The following LDLRAD4 variants were observed in gnomAD, a reference collection of about 807,000 sequenced individuals.
The protein encoded by LDLRAD4 is low density lipoprotein receptor class A domain containing 4, also known as low-density lipoprotein receptor class A domain-containing protein 4.
LDLRAD4 carries 5 observed loss-of-function variants against 17.0 expected under a neutral mutation model. The observed-to-expected ratio is 0.29, with a 90% CI of 0.15 to 0.62. The LOEUF is 0.62. Among genes scored for constraint, LDLRAD4 ranks in the 20% least tolerant of loss-of-function variants. The pLI is 0.84. For missense variants in LDLRAD4, 340 were observed against 424.7 expected, an observed-to-expected ratio of 0.80 and a Z score of 1.75; for synonymous variants, 168 against 171.8, an observed-to-expected ratio of 0.98 and a Z score of 0.17.
chr18:13,406,835 GC>G (rs1568109876), intron 2 of LDLRAD4, among the ~76,000 whole-genome samples: 1 of 152,184 alleles, frequency 6.6e-6, no homozygotes, highest in East Asian at 1.9e-4. Context: ...CTCCAGGGCT[GC>G]CTGTCCCTGA....
At chr18:13,326,770 G>A (rs562443018) in intron 1 of LDLRAD4, among the ~76,000 whole-genome samples, 4 of 151,498 alleles carry the variant, frequency 2.6e-5, no homozygotes, top group East Asian at 3.9e-4. Flanking sequence ...TGGGGGTCCC[G>A]AGCTTTTTTT....
intron 1 of LDLRAD4, among the ~76,000 whole-genome samples, chr18:13,386,376 T>G (rs888635909): frequency 4.0e-5 from 6 of 149,264 alleles, no homozygotes; most frequent in Admixed American, 4.0e-4. Flanking sequence ...TTATTCTATT[T>G]TTTTTTTTTG....
chr18:13,310,440 C>T (rs973397916), intron 1 of LDLRAD4, among the ~76,000 whole-genome samples: 2 of 151,892 alleles, frequency 1.3e-5, no homozygotes, highest in Non-Finnish European at 2.9e-5. Context: ...TGGTGATAGA[C>T]GTTGTGGTTG....
chr18:13,373,919 G>A (rs1377767493), intron 1 of LDLRAD4, among the ~76,000 whole-genome samples: 5 of 151,772 alleles, frequency 3.3e-5, no homozygotes, highest in African/African-American at 2.4e-5. Context: ...AAAATGACAC[G>A]TGTACAGTTC....
At chr18:13,290,908 C>T (rs1208638537) in intron 1 of LDLRAD4, among the ~76,000 whole-genome samples, 2 of 152,378 alleles carry the variant, frequency 1.3e-5, no homozygotes, top group South Asian at 4.1e-4. Context: ...GACCCGCAGG[C>T]CCTGCTCTGC....
intron 3 of LDLRAD4, among the ~76,000 whole-genome samples, chr18:13,606,065 A>G (rs1312171366): frequency 1.3e-5 from 2 of 152,104 alleles, no homozygotes; most frequent in Admixed American, 1.3e-4. Flanking sequence ...CATCCTCCTG[A>G]CCACCCTGTG....
intron 1 of LDLRAD4, among the ~76,000 whole-genome samples, chr18:13,304,805 G>T (rs1163679645): frequency 6.6e-6 from 1 of 152,232 alleles, no homozygotes; most frequent in African/African-American, 2.4e-5. Flanking sequence ...ACCTGGTCCT[G>T]CTGTGGGGGT....
At chr18:13,355,814 A>G (rs2083302271) in intron 1 of LDLRAD4, among the ~76,000 whole-genome samples, 1 of 152,146 alleles carries the variant, frequency 6.6e-6, no homozygotes, top group Admixed American at 6.5e-5. Flanking sequence ...AAAAAATTAT[A>G]GAGACAGAGT....
intron 3 of LDLRAD4, chr18:13,486,927 C>T (rs933445272): frequency 6.6e-6 from 1 of 152,160 alleles, no homozygotes; most frequent in Non-Finnish European, 1.5e-5. Context: ...CTGGCACGTC[C>T]GCAGACCCCT....
Position 13,495,845 on chromosome 18 carries a change from C to T in LDLRAD4, c.181+57461C>T, listed in dbSNP as rs754306875. Among the ~76,000 whole-genome samples, 10 of 152,214 alleles carry T rather than the reference C, an allele frequency of 6.6e-5. No homozygotes were observed. The East Asian group carries it at 1.7e-3, about 26-fold the overall frequency. On this transcript the variant is annotated intron_variant, in intron 3 of 5. Coordinates refer to ENST00000359446, the Ensembl canonical transcript of LDLRAD4. The stretch of plus-strand genomic sequence containing the variant: ...GGCAACGTCACCAGCACTGCCACTG[C>T]GCAGTGTTCAGAGAGCGCGAAGACC...
At chr18:13,428,240 G>A (rs1338266069) in intron 2 of LDLRAD4, among the ~76,000 whole-genome samples, 2 of 152,204 alleles carry the variant, frequency 1.3e-5, no homozygotes, top group Non-Finnish European at 2.9e-5. Flanking sequence ...AGGTGAGATG[G>A]GGAGTGGAGT....
At chr18:13,443,642 T>G (rs557165804) in intron 3 of LDLRAD4, among the ~76,000 whole-genome samples, 1 of 152,352 alleles carries the variant, frequency 6.6e-6, no homozygotes, top group Admixed American at 6.5e-5. Context: ...GAAGGATCTC[T>G]GATTCTGTAG....
chr18:13,598,550 C>T (rs927948955), intron 3 of LDLRAD4, among the ~76,000 whole-genome samples: 1 of 152,212 alleles, frequency 6.6e-6, no homozygotes, highest in African/African-American at 2.4e-5. Context: ...CAGAAAGGTT[C>T]TTCTTAACTG....
intron 3 of LDLRAD4, among the ~76,000 whole-genome samples, chr18:13,549,796 CT>C (rs1433679837): frequency 6.6e-6 from 1 of 152,146 alleles, no homozygotes; most frequent in East Asian, 1.9e-4. Flanking sequence ...ATTTGGTTGT[CT>C]TGCTTCCTTG....
At chr18:13,488,276 CAG>C (rs1355712992) in intron 3 of LDLRAD4, 1 of 152,338 alleles carries the variant, frequency 6.6e-6, no homozygotes, top group Admixed American at 6.5e-5. Flanking sequence ...CAGGGCCTGT[CAG>C]GGGAACAGAG....
At chr18:13,626,370 G>A (rs961160715) in intron 4 of LDLRAD4, among the ~76,000 whole-genome samples, 2 of 152,184 alleles carry the variant, frequency 1.3e-5, no homozygotes, top group Non-Finnish European at 2.9e-5. Context: ...TCTTGCTGGA[G>A]CTGAGGGAGC....
intron 3 of LDLRAD4, among the ~76,000 whole-genome samples, chr18:13,509,713 C>T (rs2093748104): frequency 6.6e-6 from 1 of 152,186 alleles, no homozygotes; most frequent in Admixed American, 6.5e-5. Flanking sequence ...TATCAAATAG[C>T]ATTGCATGTA....
chr18:13,354,606 C>T lies in LDLRAD4; in HGVS notation c.-382-32735C>T, dbSNP rs142349234. ...AAGGGGCCTGAGATGACTTAGACAC[C>T]ATCCTTCTTGAGGATGGGGAATGAA... is the stretch of plus-strand genomic sequence containing the variant. On this transcript the variant is annotated intron_variant, in intron 1 of 5. Coordinates refer to ENST00000359446, the Ensembl canonical transcript of LDLRAD4. 1.7e-3 allele frequency among the ~76,000 whole-genome samples: 253 copies of T among 152,244 alleles called. 2 individuals are homozygous for T. The highest frequency in any genetic ancestry group is 5.9e-3 in the African/African-American group (244 of 41,548).
intron 3 of LDLRAD4, among the ~76,000 whole-genome samples, chr18:13,514,347 A>G (rs1490191675): frequency 6.6e-6 from 1 of 152,226 alleles, no homozygotes; most frequent in Admixed American, 6.5e-5. Context: ...ATACAAATAA[A>G]TCACCTAGCA....
Sources: allele counts gnomAD v4.1 joint callset (sites outside exome capture counted in the v4.1 genomes callset), GRCh38; gene constraint gnomAD v4.1.1; transcripts MANE v1.5; gene names NCBI Gene and HGNC (gene_info 2026-07-23, HGNC 2026-07-21).